Variants in ZFYVE16 observed in about 807,000 individuals in gnomAD.
ZFYVE16 encodes the protein zinc finger FYVE domain-containing protein 16.
In ZFYVE16, 89 loss-of-function variants were observed where a neutral mutation model predicts 138.1. The ratio of observed to expected loss-of-function variants is 0.64; its 90% CI spans 0.54 to 0.77. The LOEUF is 0.77. Among genes scored for constraint, ZFYVE16 ranks in the 30% least tolerant of loss-of-function variants. ZFYVE16 has a pLI of 0.00. For synonymous variants in ZFYVE16, 596 were observed against 618.3 expected (o/e 0.96, Z 0.53); for missense variants, 1,793 against 1,786.7 (o/e 1.00, Z -0.06).
In ZFYVE16 at chr5:80,478,644, G is replaced by A. The variant is rs1755119320; in HGVS notation, c.*1267G>A. 2 of 152,004 alleles carry A rather than the reference G, an allele frequency of 1.3e-5. No homozygotes were observed. Among genetic ancestry groups the A allele is most frequent in the South Asian group, 2.1e-4 (1 of 4,828 alleles). The allele number at this position is 152,004 out of a possible 1,614,324, so 9.4% of individuals were successfully genotyped here. Reference sequence around the variant, plus strand: ...ATATATTTCAAGAAAAAGAAATTATGTTAAATAGCCCTGTTTTAAGAAAAA... The same window carrying A: ...ATATATTTCAAGAAAAAGAAATTATATTAAATAGCCCTGTTTTAAGAAAAA... On this transcript the variant is annotated 3_prime_UTR_variant, in exon 19 of 19. Coordinates refer to ENST00000505560, the MANE Select transcript of ZFYVE16 (RefSeq NM_001284236.3).
chr5:80,449,356 C>CTGTTG (rs1751736171), intron 8 of ZFYVE16, among the ~76,000 whole-genome samples: 1 of 152,018 alleles, frequency 6.6e-6, no homozygotes, highest in African/African-American at 2.4e-5. Flanking sequence ...GCTGTTTAAT[C>CTGTTG]AACAGTATAA....
rs150100726 is a variant in ZFYVE16 at position 80,466,997 on chromosome 5, G to A, written c.4025-5764G>A. ...CAGTGGTGGGGGCAGTAAGGGGTTG[G>A]AGCTCCTTCAAAAACTTACTATCAG... On this transcript the variant is annotated intron_variant, in intron 15 of 18. Coordinates refer to ENST00000505560, the MANE Select transcript of ZFYVE16 (RefSeq NM_001284236.3). Among the ~76,000 whole-genome samples, 661 of 152,226 alleles carry A rather than the reference G, an allele frequency of 4.3e-3. 7 individuals carry two copies. The highest frequency in any genetic ancestry group is 0.015 in the African/African-American group (639 of 41,528).
chr5:80,476,355 T>A (rs1754911062), intron 18 of ZFYVE16, among the ~76,000 whole-genome samples: 1 of 152,078 alleles, frequency 6.6e-6, no homozygotes. Context: ...ATAGATGGGG[T>A]TTCACTCTGT....
In ZFYVE16 at chr5:80,438,924, G is replaced by C; in HGVS notation, c.2239G>C (p.Asp747His). The C allele has an allele frequency of 6.2e-7, 1 of 1,614,090 alleles. No individual in the cohort carries two copies. Among genetic ancestry groups the C allele is most frequent in the South Asian group, 1.1e-5 (1 of 91,076 alleles). ...LGQKQPTWVP[D>H]SEAPNCMNCQ... is the part of the protein sequence containing the mutation. ...CCAGAAACAGCCTACTTGGGTTCCT[G>C]ATTCAGAAGCTCCAAACTGTATGAA... is the stretch of plus-strand genomic sequence containing the variant. The change falls in exon 4 of 19, where the codon GAT (aspartate) becomes CAT (histidine). Residue 747 changes from aspartate to histidine, a missense_variant. Physicochemically the swap from Asp to His is moderately conservative, Grantham distance 81. Around this residue, in one of 2 missense-constraint regions of ZFYVE16, gnomAD observed 1,295 missense variants for 1,204.3 expected, o/e 1.08. Transcript: ENST00000505560.
At chr5:80,433,809 A>G (rs2112334705) in intron 2 of ZFYVE16, among the ~76,000 whole-genome samples, 1 of 152,122 alleles carries the variant, frequency 6.6e-6, no homozygotes, top group Admixed American at 6.5e-5. Context: ...GATATGTTGT[A>G]TTTATAAGTA....
intron 15 of ZFYVE16, among the ~76,000 whole-genome samples, chr5:80,467,432 C>G (rs180677513): frequency 1.2e-4 from 19 of 152,190 alleles, no homozygotes; most frequent in African/African-American, 3.6e-4. Flanking sequence ...AAGGCATGCC[C>G]GAACAAGCAC....
chr5:80,448,886 C>G (rs1388086058), intron 8 of ZFYVE16, among the ~76,000 whole-genome samples: 1 of 152,006 alleles, frequency 6.6e-6, no homozygotes, highest in Non-Finnish European at 1.5e-5. Context: ...CCTTTTCAAG[C>G]AGGAGATTCT....
chr5:80,444,822 C>T (rs1457956768), intron 6 of ZFYVE16, among the ~76,000 whole-genome samples: 1 of 151,598 alleles, frequency 6.6e-6, no homozygotes, highest in African/African-American at 2.4e-5. Context: ...CTGCACTTTT[C>T]ATCACTGTAC....
intron 15 of ZFYVE16, among the ~76,000 whole-genome samples, chr5:80,467,949 G>GA (rs1041450181): frequency 1.3e-5 from 2 of 151,996 alleles, no homozygotes; most frequent in Non-Finnish European, 2.9e-5. Context: ...CAAATTATAA[G>GA]AAAAAAATAT....
intron 1 of ZFYVE16, among the ~76,000 whole-genome samples, chr5:80,412,646 G>A (rs1745623619): frequency 6.6e-6 from 1 of 152,036 alleles, no homozygotes; most frequent in Non-Finnish European, 1.5e-5. Context: ...GGAATGTTTT[G>A]TAAATATATG....
chr5:80,426,567 G>T (rs1259374975), intron 1 of ZFYVE16, among the ~76,000 whole-genome samples: 1 of 150,042 alleles, frequency 6.7e-6, no homozygotes, highest in Admixed American at 6.7e-5. Context: ...TTCTGTTCTT[G>T]CATTAGTTTG....
In ZFYVE16 at chr5:80,436,846, C is replaced by T. The variant is rs1749987705; in HGVS notation, c.161C>T (p.Ser54Leu). 6.2e-7 allele frequency: 1 copy of T among 1,614,196 alleles called. No individual in the cohort carries two copies. The highest frequency in any genetic ancestry group is 1.3e-5 in the African/African-American group (1 of 75,074). Reference protein sequence around the residue: ...SSELASSQRTSLLPKDQECVN... With the variant: ...SSELASSQRTLLLPKDQECVN... ...GAGTTGGCTTCCTCACAGCGAACTT[C>T]ATTGCTCCCAAAAGACCAAGAGTGC... Residue 54 changes from serine (S) to leucine (L), a missense_variant, in exon 4 of 19, where the codon TCA (serine) becomes TTA (leucine). By Grantham distance (145) the Ser-to-Leu change is moderately radical. Coordinates refer to ENST00000505560, the MANE Select transcript of ZFYVE16 (RefSeq NM_001284236.3).
At chr5:80,440,303 T>C (rs936481932) in intron 5 of ZFYVE16, 3 of 1,079,130 alleles carry the variant, frequency 2.8e-6, no homozygotes, top group Non-Finnish European at 3.4e-6. Context: ...CTGCATTTCA[T>C]CTGCCTATTT....
chr5:80,447,487 T>C (rs2112437475), intron 7 of ZFYVE16, among the ~76,000 whole-genome samples: 1 of 152,288 alleles, frequency 6.6e-6, no homozygotes, highest in Non-Finnish European at 1.5e-5. Context: ...TCATAAATGG[T>C]TCTTATTTAA....
At position 80,473,875 on chromosome 5, in the gene ZFYVE16, G is replaced by A. The variant is rs1260006487; in HGVS notation, c.4293+16G>A. ...ATGTACCGAGGTAACTAAGAAAGAA[G>A]GTCCCTTTACATGCTGTGTTTCAAT... On this transcript the variant is annotated intron_variant, in intron 17 of 18. Transcript: ENST00000505560. 1.9e-6 allele frequency: 3 copies of A among 1,591,080 alleles called. No individual in the cohort carries two copies. The African/African-American group carries it at 4.0e-5, about 21-fold the overall frequency.
At chr5:80,422,620 A>G (rs1200586065) in intron 1 of ZFYVE16, among the ~76,000 whole-genome samples, 1 of 151,866 alleles carries the variant, frequency 6.6e-6, no homozygotes, top group Non-Finnish European at 1.5e-5. Context: ...ATGCCAGGCT[A>G]ATTTTTTTAT....
chr5:80,478,947 C>T lies in ZFYVE16; in HGVS notation c.*1570C>T. ...AAATGGTGTAAGATGAAAACAATTG[C>T]ATATCAAACCCAATTTATGTTTTCT... On this transcript the variant is annotated 3_prime_UTR_variant, in exon 19 of 19. Transcript: ENST00000505560. 1 of 152,086 alleles carries T rather than the reference C, an allele frequency of 6.6e-6. No homozygotes were observed. Among genetic ancestry groups the T allele is most frequent in the East Asian group, 1.9e-4 (1 of 5,190 alleles). 9.4% of individuals were successfully genotyped at this position (152,086 alleles called of 1,614,324 possible). A position where few individuals can be genotyped will look rare whatever the true frequency, so the allele number is the denominator to read the frequency against.
At chr5:80,472,634 T>G in intron 15 of ZFYVE16, 127 bp from the exon 16 acceptor site, 1 of 984,092 alleles carries the variant, frequency 1.0e-6, no homozygotes, top group Non-Finnish European at 1.4e-6. Context: ...AAACAACCAT[T>G]AAGATGATTA....
intron 9 of ZFYVE16, among the ~76,000 whole-genome samples, 172 bp from the exon 10 acceptor site, chr5:80,450,259 A>C (rs1017348754): frequency 1.2e-4 from 7 of 58,592 alleles, no homozygotes; most frequent in Non-Finnish European, 4.6e-4. Flanking sequence ...CCCTATGATA[A>C]TCCTTTTTCT....
Sources: gnomAD v4.1 joint callset for allele counts (sites outside exome capture counted in the v4.1 genomes callset) on GRCh38, gnomAD v4.1.1 for gene constraint, gnomAD v4.1.1 regional missense constraint, MANE v1.5 for transcripts, NCBI Gene and HGNC (gene_info 2026-07-23, HGNC 2026-07-21) for gene names.